Variants in GALNTL6 observed in about 807,000 individuals in gnomAD.
GALNTL6 encodes polypeptide N-acetylgalactosaminyltransferase like 6, also known as polypeptide N-acetylgalactosaminyltransferase-like 6.
GALNTL6 carries 46 observed loss-of-function variants against 73.7 expected under a neutral mutation model. That is an observed-to-expected ratio of 0.62 (90% confidence interval 0.49 to 0.80). The LOEUF is 0.80. Among genes scored for constraint, GALNTL6 ranks in the 30% least tolerant of loss-of-function variants. The pLI is 0.00. For missense variants in GALNTL6, 604 were observed against 755.0 expected (o/e 0.80, Z 2.34); for synonymous variants, 259 against 263.7 (o/e 0.98, Z 0.17).
At chr4:172,703,118 G>C (rs543406805) in intron 5 of GALNTL6, among the ~76,000 whole-genome samples, 3 of 151,818 alleles carry the variant, frequency 2.0e-5, no homozygotes, top group Non-Finnish European at 4.4e-5. Context: ...GTAAAAGTAG[G>C]TATCTTTGTC....
chr4:172,420,967 A>T (rs543219661), intron 5 of GALNTL6, among the ~76,000 whole-genome samples: 1 of 152,110 alleles, frequency 6.6e-6, no homozygotes, highest in East Asian at 1.9e-4. Flanking sequence ...AACAATGAGA[A>T]CACATGGACA....
chr4:172,587,218 A>G (rs1737446977), intron 5 of GALNTL6, among the ~76,000 whole-genome samples: 1 of 152,204 alleles, frequency 6.6e-6, no homozygotes, highest in Admixed American at 6.5e-5. Context: ...AGACTTCTAG[A>G]CCTTGTGCTG....
intron 2 of GALNTL6, among the ~76,000 whole-genome samples, chr4:172,179,978 G>C (rs899235940): frequency 2.0e-5 from 3 of 152,112 alleles, no homozygotes; most frequent in African/African-American, 7.2e-5. Context: ...TGATTGCTAG[G>C]TCAAATGGTA....
chr4:172,826,406 G>C (rs532712548), intron 7 of GALNTL6, among the ~76,000 whole-genome samples: 1 of 152,292 alleles, frequency 6.6e-6, no homozygotes, highest in Admixed American at 6.5e-5. Context: ...GGGCACACAC[G>C]ATGCAGGTGG....
intron 12 of GALNTL6, among the ~76,000 whole-genome samples, chr4:173,030,143 G>A (rs930871597): frequency 1.6e-5 from 2 of 126,118 alleles, no homozygotes; most frequent in African/African-American, 6.8e-5. Flanking sequence ...TGGTAACAGA[G>A]GACTTATGTT....
intron 2 of GALNTL6, among the ~76,000 whole-genome samples, chr4:171,843,879 A>G (rs563715889): frequency 4.9e-4 from 74 of 152,330 alleles, no homozygotes; most frequent in African/African-American, 1.8e-3. Flanking sequence ...ATTAATGATT[A>G]AAGTAAGAGT....
At chr4:172,280,044 A>T (rs1738987004) in intron 3 of GALNTL6, among the ~76,000 whole-genome samples, 2 of 152,178 alleles carry the variant, frequency 1.3e-5, no homozygotes, top group Non-Finnish European at 2.9e-5. Flanking sequence ...ATTCACAAAA[A>T]CAGAAAGCAG....
At chr4:172,964,567 G>C in intron 10 of GALNTL6, among the ~76,000 whole-genome samples, 1 of 152,210 alleles carries the variant, frequency 6.6e-6, no homozygotes, top group Admixed American at 6.5e-5. Flanking sequence ...ATGTCACCCC[G>C]AATTGTGGAA....
At chr4:172,793,432 G>GA (rs1019556490) in intron 5 of GALNTL6, among the ~76,000 whole-genome samples, 3 of 152,086 alleles carry the variant, frequency 2.0e-5, no homozygotes, top group African/African-American at 7.2e-5. Flanking sequence ...GAAGACAGTG[G>GA]AAAAAATCAA....
At chr4:172,365,324 AG>A (rs1209112951) in intron 5 of GALNTL6, among the ~76,000 whole-genome samples, 2 of 151,874 alleles carry the variant, frequency 1.3e-5, no homozygotes, top group African/African-American at 4.8e-5. Context: ...TGGTTGGGGA[AG>A]GGTTTATCTT....
intron 2 of GALNTL6, among the ~76,000 whole-genome samples, chr4:171,953,125 TA>T (rs1481241032): frequency 2.6e-5 from 4 of 152,168 alleles, no homozygotes; most frequent in East Asian, 3.9e-4. Context: ...AAAAAAGGGC[TA>T]AAAAATTATG....
intron 2 of GALNTL6, among the ~76,000 whole-genome samples, chr4:171,987,795 T>A (rs183817927): frequency 0.018 from 2,670 of 151,932 alleles, 79 homozygotes; most frequent in African/African-American, 0.059. Context: ...AAATCAAGCG[T>A]GATCAGGGTG....
intron 2 of GALNTL6, among the ~76,000 whole-genome samples, chr4:171,952,479 A>T (rs558916166): frequency 6.6e-6 from 1 of 152,186 alleles, no homozygotes; most frequent in South Asian, 2.1e-4. Flanking sequence ...AAGCCTATAT[A>T]TATTGATGTT....
intron 5 of GALNTL6, among the ~76,000 whole-genome samples, chr4:172,603,239 A>T (rs1202877216): frequency 6.6e-6 from 1 of 152,232 alleles, no homozygotes; most frequent in Non-Finnish European, 1.5e-5. Context: ...AGTTGATTTT[A>T]AAAATGTTAT....
intron 2 of GALNTL6, among the ~76,000 whole-genome samples, chr4:172,154,138 T>C (rs1734181766): frequency 6.6e-6 from 1 of 150,788 alleles, no homozygotes; most frequent in Non-Finnish European, 1.5e-5. Context: ...ATGCTCATTT[T>C]ACATAAAAAA....
chr4:171,874,710 C>A (rs369403357), intron 2 of GALNTL6, among the ~76,000 whole-genome samples: 2 of 152,090 alleles, frequency 1.3e-5, no homozygotes, highest in African/African-American at 4.8e-5. Flanking sequence ...GGAGCTGAGA[C>A]CTAAAATACT....
At chr4:172,783,367 TTAA>T (rs1739474853) in intron 5 of GALNTL6, among the ~76,000 whole-genome samples, 1 of 147,566 alleles carries the variant, frequency 6.8e-6, no homozygotes, top group Non-Finnish European at 1.5e-5. Context: ...AAATAGTGTA[TTAA>T]TAATATTATA....
intron 5 of GALNTL6, among the ~76,000 whole-genome samples, chr4:172,439,933 C>G (rs566525158): frequency 6.6e-6 from 1 of 152,004 alleles, no homozygotes; most frequent in Non-Finnish European, 1.5e-5. Context: ...CATAATCACC[C>G]GAAGTCCCTA....
At chr4:172,529,689 T>A (rs999623475) in intron 5 of GALNTL6, among the ~76,000 whole-genome samples, 4 of 151,586 alleles carry the variant, frequency 2.6e-5, no homozygotes, top group African/African-American at 7.3e-5. Context: ...GTTGTTGTTG[T>A]TGTTGTTGTT....
Sources: allele counts gnomAD v4.1 joint callset (sites outside exome capture counted in the v4.1 genomes callset), GRCh38; gene constraint gnomAD v4.1.1; transcripts MANE v1.5; gene names NCBI Gene and HGNC (gene_info 2026-07-23, HGNC 2026-07-21).